The following SH3GL3 variants were observed in gnomAD, a reference collection of about 807,000 sequenced individuals.
The protein encoded by SH3GL3 is endophilin-A3.
A neutral mutation model predicts 47.7 loss-of-function variants in SH3GL3; 33 were observed. The ratio of observed to expected loss-of-function variants is 0.69; its 90% CI spans 0.52 to 0.92. The LOEUF is 0.92. Ranked by LOEUF, SH3GL3 falls within the 40% of genes least tolerant of loss-of-function variation. The pLI is 0.00. For synonymous variants in SH3GL3, 155 were observed against 148.8 expected, an observed-to-expected ratio of 1.04 and a Z score of -0.30; for missense variants, 363 against 417.8, an observed-to-expected ratio of 0.87 and a Z score of 1.14.
At chr15:83,547,479 A>G (rs1392355247) in intron 1 of SH3GL3, among the ~76,000 whole-genome samples, 4 of 152,176 alleles carry the variant, frequency 2.6e-5, no homozygotes, top group South Asian at 2.1e-4. Flanking sequence ...ATTCAAAACT[A>G]TCATTCCTAT....
chr15:83,576,681 A>G lies in SH3GL3; in HGVS notation c.564A>G (p.Glu188=), dbSNP rs1404298997. The stretch of plus-strand genomic sequence containing the variant: ...ACGAAGAAGTCAGACAAGCGGTAGA[A>G]AAATTTGAAGAGTCAAAGGAGTTGG... ...IPDEEVRQAV[E]KFEESKELAE... is the part of the protein sequence containing the mutation. The change falls in exon 6 of 9, where the codon GAA becomes GAG. Residue 188 remains glutamate (E), a synonymous_variant. Coordinates refer to ENST00000427482, the MANE Select transcript of SH3GL3 (RefSeq NM_003027.5). 2 of 1,613,960 alleles carry G rather than the reference A, an allele frequency of 1.2e-6. No individual in the cohort carries two copies. Among genetic ancestry groups the G allele is most frequent in the East Asian group, 2.2e-5 (1 of 44,884 alleles).
intron 1 of SH3GL3, among the ~76,000 whole-genome samples, chr15:83,502,661 G>A (rs929656220): frequency 3.9e-5 from 6 of 152,168 alleles, no homozygotes; most frequent in Admixed American, 3.9e-4. Context: ...GGGGCTCAAG[G>A]GATCCTCCTC....
intron 8 of SH3GL3, among the ~76,000 whole-genome samples, chr15:83,603,795 AT>A (rs2060447711): frequency 6.6e-6 from 1 of 152,230 alleles, no homozygotes; most frequent in Non-Finnish European, 1.5e-5. Flanking sequence ...TTTAAGAGTT[AT>A]TATAGGCAAA....
intron 1 of SH3GL3, among the ~76,000 whole-genome samples, chr15:83,521,257 C>A (rs2043189313): frequency 6.6e-6 from 1 of 152,112 alleles, no homozygotes; most frequent in African/African-American, 2.4e-5. Context: ...TAGCCAGGGT[C>A]CAGTTAGGAT....
intron 7 of SH3GL3, among the ~76,000 whole-genome samples, chr15:83,587,890 A>G (rs1239412416): frequency 6.6e-6 from 1 of 152,196 alleles, no homozygotes; most frequent in Non-Finnish European, 1.5e-5. Context: ...ACTTAAATCA[A>G]TGACGTAGTT....
At chr15:83,618,031 G>GA (rs2060874189) in intron 8 of SH3GL3, 51 bp from the exon 9 acceptor site, 2 of 1,224,294 alleles carry the variant, frequency 1.6e-6, no homozygotes, top group Non-Finnish European at 2.4e-6. Flanking sequence ...ATTTCCCATG[G>GA]ATAATCCATC....
the SH3GL3 span, among the ~76,000 whole-genome samples, chr15:83,631,804 C>T: frequency 1.3e-5 from 2 of 152,214 alleles, no homozygotes; most frequent in African/African-American, 4.8e-5. Flanking sequence ...AGGTCTCTGA[C>T]ATGCCCTGGG....
intron 1 of SH3GL3, among the ~76,000 whole-genome samples, chr15:83,494,401 T>G (rs778986385): frequency 3.5e-4 from 54 of 152,242 alleles, no homozygotes; most frequent in Non-Finnish European, 1.2e-4. Context: ...GGTTTTATTT[T>G]TGCTAATCAC....
intron 1 of SH3GL3, among the ~76,000 whole-genome samples, chr15:83,496,859 C>T (rs966444761): frequency 3.3e-5 from 5 of 152,118 alleles, no homozygotes; most frequent in African/African-American, 4.8e-5. Flanking sequence ...TCATCTAGCT[C>T]GGCAGTGTTG....
chr15:83,584,212 C>T (rs751524643), intron 6 of SH3GL3, among the ~76,000 whole-genome samples: 14 of 152,128 alleles, frequency 9.2e-5, no homozygotes, highest in South Asian at 4.1e-4. Flanking sequence ...TCACAGCCAG[C>T]GGCACAGCAT....
At chr15:83,627,960 A>T in the SH3GL3 span, among the ~76,000 whole-genome samples, 1 of 152,216 alleles carries the variant, frequency 6.6e-6, no homozygotes. Context: ...TATAGAATCT[A>T]CTAAATGAAC....
At chr15:83,537,507 G>T (rs1378894838) in intron 1 of SH3GL3, among the ~76,000 whole-genome samples, 7 of 152,176 alleles carry the variant, frequency 4.6e-5, no homozygotes, top group Admixed American at 4.6e-4. Context: ...AGTTGCAGTG[G>T]AGCAGAGATT....
At chr15:83,596,263 T>G (rs1475920394) in intron 8 of SH3GL3, among the ~76,000 whole-genome samples, 1 of 152,226 alleles carries the variant, frequency 6.6e-6, no homozygotes, top group African/African-American at 2.4e-5. Context: ...CCCTTTTAAA[T>G]TTTTTGAAGC....
chr15:83,550,081 T>C (rs2044586864), intron 1 of SH3GL3, among the ~76,000 whole-genome samples: 1 of 152,184 alleles, frequency 6.6e-6, no homozygotes, highest in Non-Finnish European at 1.5e-5. Context: ...AGTTCACATA[T>C]ACCCTTCACT....
At chr15:83,457,612 T>C (rs746121587) in intron 1 of SH3GL3, among the ~76,000 whole-genome samples, 2 of 152,224 alleles carry the variant, frequency 1.3e-5, no homozygotes, top group Non-Finnish European at 2.9e-5. Context: ...GTCTCTTGTT[T>C]CACTATCTCA....
intron 3 of SH3GL3, among the ~76,000 whole-genome samples, chr15:83,567,177 A>G (rs898047905): frequency 7.9e-5 from 12 of 152,150 alleles, no homozygotes; most frequent in African/African-American, 2.9e-4. Context: ...CTGTATTAAT[A>G]GCATTTTAGG....
At chr15:83,608,170 T>C (rs1051876916) in intron 8 of SH3GL3, among the ~76,000 whole-genome samples, 2 of 152,206 alleles carry the variant, frequency 1.3e-5, no homozygotes, top group Admixed American at 6.5e-5. Context: ...TTGAGTTCCA[T>C]TGACAAGTAA....
At chr15:83,597,760 C>G (rs2060271083) in intron 8 of SH3GL3, among the ~76,000 whole-genome samples, 1 of 152,008 alleles carries the variant, frequency 6.6e-6, no homozygotes, top group African/African-American at 2.4e-5. Flanking sequence ...CAGGTGCCTG[C>G]CACCGTACCT....
intron 1 of SH3GL3, among the ~76,000 whole-genome samples, chr15:83,558,766 C>T (rs578053572): frequency 1.3e-5 from 2 of 152,312 alleles, no homozygotes; most frequent in South Asian, 4.1e-4. Flanking sequence ...TCAAATGCCA[C>T]ATCTTCTAGG....
Sources: allele counts gnomAD v4.1 joint callset (sites outside exome capture counted in the v4.1 genomes callset), GRCh38; gene constraint gnomAD v4.1.1; transcripts MANE v1.5; gene names NCBI Gene and HGNC (gene_info 2026-07-23, HGNC 2026-07-21).